The following RBFOX1 variants were observed in gnomAD, a reference collection of about 807,000 sequenced individuals.
The protein encoded by RBFOX1 is RNA binding fox-1 homolog 1, also known as RNA binding protein fox-1 homolog 1.
RBFOX1 carries 8 observed loss-of-function variants against 57.7 expected under a neutral mutation model. The ratio of observed to expected loss-of-function variants is 0.14; its 90% CI spans 0.08 to 0.25. The LOEUF (loss-of-function observed/expected upper bound fraction) is 0.25. Among genes scored for constraint, RBFOX1 ranks in the 10% least tolerant of loss-of-function variants. RBFOX1 has a pLI of 1.00. For missense variants in RBFOX1, 611 were observed against 548.5 expected, an observed-to-expected ratio of 1.11 and a Z score of -1.14; for synonymous variants, 326 against 222.4, an observed-to-expected ratio of 1.47 and a Z score of -4.15.
At chr16:7,090,726 G>T (rs997051361) in intron 4 of RBFOX1, among the ~76,000 whole-genome samples, 1 of 152,174 alleles carries the variant, frequency 6.6e-6, no homozygotes, top group Non-Finnish European at 1.5e-5. Flanking sequence ...ACTTCCGGGC[G>T]GTTTTGATTC....
chr16:6,210,898 C>G (rs2097292378), intron 1 of RBFOX1, among the ~76,000 whole-genome samples: 1 of 152,148 alleles, frequency 6.6e-6, no homozygotes, highest in Non-Finnish European at 1.5e-5. Context: ...ATACCACTTT[C>G]TCTTAGGAAA....
At chr16:7,130,778 G>T (rs568465582) in intron 4 of RBFOX1, among the ~76,000 whole-genome samples, 1 of 152,056 alleles carries the variant, frequency 6.6e-6, no homozygotes, top group Non-Finnish European at 1.5e-5. Context: ...TTTTGTCAAC[G>T]CATTTCTTTT....
At chr16:6,612,242 A>G (rs944316113) in intron 2 of RBFOX1, among the ~76,000 whole-genome samples, 12 of 152,256 alleles carry the variant, frequency 7.9e-5, no homozygotes, top group East Asian at 3.9e-4. Flanking sequence ...CTCTTGACCA[A>G]TATTCCCCTA....
intron 3 of RBFOX1, among the ~76,000 whole-genome samples, chr16:6,834,265 G>C (rs1215789177): frequency 6.6e-6 from 1 of 151,822 alleles, no homozygotes; most frequent in African/African-American, 2.4e-5. Flanking sequence ...AGTAGAGATG[G>C]GGGTTTCACC....
chr16:6,554,283 C>A (rs1045843955), intron 2 of RBFOX1, among the ~76,000 whole-genome samples: 1 of 152,118 alleles, frequency 6.6e-6, no homozygotes, highest in African/African-American at 2.4e-5. Flanking sequence ...AATCTTCTTT[C>A]ATTTAGCCTA....
intron 14 of RBFOX1, among the ~76,000 whole-genome samples, chr16:7,699,674 G>T (rs372539488): frequency 2.0e-5 from 3 of 151,992 alleles, no homozygotes; most frequent in Non-Finnish European, 4.4e-5. Context: ...CAATAATTGT[G>T]AGTTACACAT....
At chr16:5,814,700 G>A (rs192896315) in intron 3 of RBFOX1, among the ~76,000 whole-genome samples, 4 of 152,078 alleles carry the variant, frequency 2.6e-5, no homozygotes, top group East Asian at 1.9e-4. Context: ...AGGCCGAGGC[G>A]GGTGGATCAT....
chr16:6,740,044 C>G (rs1411317693), intron 3 of RBFOX1, among the ~76,000 whole-genome samples: 1 of 152,040 alleles, frequency 6.6e-6, no homozygotes, highest in Non-Finnish European at 1.5e-5. Context: ...TAGAATCTAA[C>G]AATATATAAA....
intron 3 of RBFOX1, among the ~76,000 whole-genome samples, chr16:5,712,185 C>T (rs1347905132): frequency 6.6e-6 from 1 of 152,184 alleles, no homozygotes; most frequent in African/African-American, 2.4e-5. Context: ...GATCCAATCA[C>T]CTTCCACCAG....
chr16:5,525,022 A>G (rs1489976821), intron 2 of RBFOX1, among the ~76,000 whole-genome samples: 1 of 152,150 alleles, frequency 6.6e-6, no homozygotes, highest in Non-Finnish European at 1.5e-5. Flanking sequence ...ATTAATGTCC[A>G]TCTTCCCCAA....
chr16:6,115,352 G>T (rs1567490916), intron 1 of RBFOX1, among the ~76,000 whole-genome samples: 1 of 152,150 alleles, frequency 6.6e-6, no homozygotes. Context: ...AGGATTGCAT[G>T]CTTTAAATTT....
chr16:6,316,591 C>G (rs2081147427), intron 1 of RBFOX1, among the ~76,000 whole-genome samples: 1 of 152,134 alleles, frequency 6.6e-6, no homozygotes, highest in South Asian at 2.1e-4. Context: ...ATGTCAACCT[C>G]CAGTCTTACC....
At chr16:6,211,619 C>T (rs910978732) in intron 1 of RBFOX1, among the ~76,000 whole-genome samples, 1 of 152,092 alleles carries the variant, frequency 6.6e-6, no homozygotes, top group African/African-American at 2.4e-5. Context: ...AGCAATATGT[C>T]AGGTCCCCGT....
At chr16:7,449,391 T>C (rs930249778) in intron 4 of RBFOX1, among the ~76,000 whole-genome samples, 4 of 152,004 alleles carry the variant, frequency 2.6e-5, no homozygotes, top group Non-Finnish European at 5.9e-5. Flanking sequence ...GCAGTGAAAA[T>C]AGATGGATGA....
At chr16:5,901,956 C>A (rs1005420881) in intron 4 of RBFOX1, among the ~76,000 whole-genome samples, 1 of 152,302 alleles carries the variant, frequency 6.6e-6, no homozygotes, top group Non-Finnish European at 1.5e-5. Context: ...TATCCTACGT[C>A]TAAACTCTCA....
chr16:5,493,269 A>G (rs921818656), intron 2 of RBFOX1, among the ~76,000 whole-genome samples: 6 of 152,148 alleles, frequency 3.9e-5, no homozygotes, highest in Non-Finnish European at 2.9e-5. Flanking sequence ...ATGGGATCTC[A>G]CTATGTTACT....
intron 4 of RBFOX1, among the ~76,000 whole-genome samples, chr16:7,467,684 A>G (rs940772313): frequency 1.5e-4 from 23 of 152,348 alleles, no homozygotes; most frequent in African/African-American, 4.3e-4. Flanking sequence ...GTATACCTAC[A>G]GAAAAGTGGG....
intron 4 of RBFOX1, among the ~76,000 whole-genome samples, chr16:7,412,638 C>T (rs1268183913): frequency 1.3e-5 from 2 of 152,208 alleles, no homozygotes; most frequent in Non-Finnish European, 2.9e-5. Context: ...AGCATTCTAT[C>T]TTAGATTTCT....
intron 14 of RBFOX1, among the ~76,000 whole-genome samples, chr16:7,697,202 G>T (rs1200502581): frequency 6.6e-6 from 1 of 152,142 alleles, no homozygotes; most frequent in East Asian, 1.9e-4. Context: ...GGTGACAATG[G>T]CTTGGGTTAG....
Sources: gnomAD v4.1 joint callset for allele counts (sites outside exome capture counted in the v4.1 genomes callset) on GRCh38, gnomAD v4.1.1 for gene constraint, MANE v1.5 for transcripts, NCBI Gene and HGNC (gene_info 2026-07-23, HGNC 2026-07-21) for gene names.